CSMD1: variants seen among roughly 807,000 people sequenced by gnomAD.
CSMD1 encodes CUB and sushi domain-containing protein 1.
CSMD1 carries 213 observed loss-of-function variants against 417.5 expected under a neutral mutation model. The observed-to-expected ratio is 0.51, with a 90% confidence interval of 0.46 to 0.57. The LOEUF (loss-of-function observed/expected upper bound fraction) is 0.57. CSMD1 is among the 20% of genes least tolerant of loss of function. CSMD1 has a pLI of 0.00. For synonymous variants in CSMD1, 2,862 were observed against 1,736.8 expected (o/e 1.65, Z -16.11); for missense variants, 6,923 against 4,529.7 (o/e 1.53, Z -15.17).
chr8:3,918,104 A>T (rs1440669262), intron 5 of CSMD1, among the ~76,000 whole-genome samples: 1 of 151,962 alleles, frequency 6.6e-6, no homozygotes, highest in Non-Finnish European at 1.5e-5. Context: ...ATCAAAGTGC[A>T]TTTATGTTGT....
At chr8:3,601,140 C>T (rs528271100) in intron 8 of CSMD1, among the ~76,000 whole-genome samples, 2 of 152,298 alleles carry the variant, frequency 1.3e-5, no homozygotes, top group African/African-American at 4.8e-5. Context: ...AGGTTTGCCT[C>T]TGGCTTCTGA....
intron 3 of CSMD1, among the ~76,000 whole-genome samples, chr8:4,362,527 G>C (rs995487514): frequency 2.0e-5 from 3 of 152,180 alleles, no homozygotes; most frequent in Non-Finnish European, 2.9e-5. Context: ...GCAATAGATA[G>C]AACAGGATCT....
At chr8:2,973,751 A>G (rs925776263) in intron 56 of CSMD1, among the ~76,000 whole-genome samples, 1 of 152,192 alleles carries the variant, frequency 6.6e-6, no homozygotes, top group Non-Finnish European at 1.5e-5. Context: ...GTTGTTTAAG[A>G]AACATTCGTG....
At chr8:3,564,029 A>G (rs1799588026) in intron 10 of CSMD1, among the ~76,000 whole-genome samples, 2 of 152,148 alleles carry the variant, frequency 1.3e-5, no homozygotes, top group Admixed American at 1.3e-4. Context: ...TTTGATTTGT[A>G]GTTGTATATA....
intron 25 of CSMD1, among the ~76,000 whole-genome samples, chr8:3,288,626 C>T (rs1336741707): frequency 1.4e-5 from 2 of 147,122 alleles, no homozygotes; most frequent in South Asian, 2.1e-4. Context: ...GTTTGTATTT[C>T]TGTGGGATGG....
At chr8:3,714,057 T>C (rs535090807) in intron 6 of CSMD1, among the ~76,000 whole-genome samples, 5 of 139,656 alleles carry the variant, frequency 3.6e-5, no homozygotes, top group East Asian at 2.0e-4. Flanking sequence ...GATAGATAGA[T>C]AGATGTCCAC....
chr8:3,951,800 G>C (rs1811618222), intron 5 of CSMD1, among the ~76,000 whole-genome samples: 1 of 151,916 alleles, frequency 6.6e-6, no homozygotes, highest in African/African-American at 2.4e-5. Flanking sequence ...TTAGTGAGCT[G>C]GCAAAGAAGT....
At chr8:4,212,155 G>A (rs1162663822) in intron 3 of CSMD1, among the ~76,000 whole-genome samples, 1 of 149,306 alleles carries the variant, frequency 6.7e-6, no homozygotes, top group Non-Finnish European at 1.5e-5. Flanking sequence ...TGATAAAAAA[G>A]ACTCTGTCAC....
intron 26 of CSMD1, among the ~76,000 whole-genome samples, chr8:3,238,400 C>T (rs1175696759): frequency 1.3e-5 from 2 of 151,884 alleles, no homozygotes; most frequent in African/African-American, 2.4e-5. Context: ...GTTCAGAGGC[C>T]TGAAAGTCCT....
At chr8:4,227,424 C>T (rs1463442714) in intron 3 of CSMD1, among the ~76,000 whole-genome samples, 3 of 152,084 alleles carry the variant, frequency 2.0e-5, no homozygotes, top group Non-Finnish European at 4.4e-5. Context: ...ATTATAAGAA[C>T]CCTATGGTCA....
chr8:3,189,372 T>C (rs1034639627), intron 34 of CSMD1, among the ~76,000 whole-genome samples: 3 of 152,188 alleles, frequency 2.0e-5, no homozygotes, highest in African/African-American at 7.2e-5. Context: ...CAGACATGCA[T>C]CTCCAAATGA....
chr8:4,410,206 A>G (rs1188475346), intron 3 of CSMD1, among the ~76,000 whole-genome samples: 1 of 152,188 alleles, frequency 6.6e-6, no homozygotes, highest in African/African-American at 2.4e-5. Flanking sequence ...TACTGAACCA[A>G]ACAGTTTAGG....
At chr8:3,480,099 C>G (rs996149305) in intron 11 of CSMD1, among the ~76,000 whole-genome samples, 1 of 152,142 alleles carries the variant, frequency 6.6e-6, no homozygotes, top group East Asian at 1.9e-4. Context: ...TGACTCACAT[C>G]TGTAATCTCA....
intron 3 of CSMD1, among the ~76,000 whole-genome samples, chr8:4,051,340 C>G (rs191937309): frequency 6.7e-6 from 1 of 150,326 alleles, no homozygotes; most frequent in African/African-American, 2.5e-5. Context: ...ACAAGTAAAG[C>G]CAGACTCGGC....
At chr8:4,032,323 A>G (rs138245685) in intron 3 of CSMD1, among the ~76,000 whole-genome samples, 1,770 of 152,344 alleles carry the variant, frequency 0.012, 32 homozygotes, top group African/African-American at 0.039. Flanking sequence ...AAATAAATGC[A>G]TTTTGTTAAG....
chr8:3,846,343 G>A (rs986252611), intron 5 of CSMD1, among the ~76,000 whole-genome samples: 1 of 152,042 alleles, frequency 6.6e-6, no homozygotes, highest in African/African-American at 2.4e-5. Flanking sequence ...TTATTTACAT[G>A]GTCCATAGCT....
intron 36 of CSMD1, among the ~76,000 whole-genome samples, chr8:3,182,084 G>T (rs1321542704): frequency 1.3e-5 from 2 of 152,184 alleles, no homozygotes. Context: ...AATAACCACA[G>T]TGTAGATAAA....
At chr8:3,854,702 G>C (rs1326070487) in intron 5 of CSMD1, among the ~76,000 whole-genome samples, 5 of 151,114 alleles carry the variant, frequency 3.3e-5, no homozygotes, top group African/African-American at 9.7e-5. Flanking sequence ...GAGTCGGGAA[G>C]ATGAGACAGC....
intron 2 of CSMD1, among the ~76,000 whole-genome samples, chr8:4,503,998 A>T (rs1262171622): frequency 6.6e-6 from 1 of 152,046 alleles, no homozygotes; most frequent in Non-Finnish European, 1.5e-5. Flanking sequence ...AAAAAAAGGA[A>T]ATCAGGATGT....
Sources: gnomAD v4.1 joint callset for allele counts (sites outside exome capture counted in the v4.1 genomes callset) on GRCh38, gnomAD v4.1.1 for gene constraint, MANE v1.5 for transcripts, NCBI Gene and HGNC (gene_info 2026-07-23, HGNC 2026-07-21) for gene names.